Variants in TNRC18 observed in about 807,000 individuals in gnomAD.
The protein encoded by TNRC18 is trinucleotide repeat containing 18, also known as trinucleotide repeat-containing gene 18 protein.
TNRC18 carries 69 observed loss-of-function variants against 226.7 expected under a neutral mutation model. The ratio of observed to expected loss-of-function variants is 0.30; its 90% CI spans 0.25 to 0.37. The LOEUF is 0.37. Among genes scored for constraint, TNRC18 ranks in the 10% least tolerant of loss-of-function variants. The pLI is 1.00. For missense variants in TNRC18, 4,754 were observed against 4,256.6 expected (o/e 1.12, Z -3.25); for synonymous variants, 2,449 against 1,927.6 (o/e 1.27, Z -7.09).
chr7:5,326,211 A>G (rs951103510), intron 19 of TNRC18, among the ~76,000 whole-genome samples: 5 of 152,032 alleles, frequency 3.3e-5, no homozygotes, highest in African/African-American at 1.2e-4. Flanking sequence ...CCGTGTAAAT[A>G]TGAAGGCTAC....
rs558677505 is a variant in TNRC18 at position 5,378,698 on chromosome 7, G to A, written c.2153-674C>T. ...CTCCCAGAGTGCTGGGATTACAGGC[G>A]TGAGTCACCGAGCCCCGCCACTAAT... On this transcript the variant is annotated intron_variant, in intron 5 of 29. Coordinates refer to ENST00000430969, the MANE Select transcript of TNRC18 (RefSeq NM_001080495.3). Among the ~76,000 whole-genome samples, 15 of 151,852 alleles carry A rather than the reference G, an allele frequency of 9.9e-5. 1 individual carries two copies. The South Asian group carries it at 2.3e-3, about 23-fold the overall frequency.
At chr7:5,341,133 C>A (rs1314356209) in intron 18 of TNRC18, among the ~76,000 whole-genome samples, 1 of 151,710 alleles carries the variant, frequency 6.6e-6, no homozygotes, top group Non-Finnish European at 1.5e-5. Context: ...AACAACAGGC[C>A]GGGTGCAGTG....
chr7:5,349,967 A>T (rs931983636), intron 17 of TNRC18, among the ~76,000 whole-genome samples: 1 of 151,116 alleles, frequency 6.6e-6, no homozygotes, highest in Non-Finnish European at 1.5e-5. Flanking sequence ...GGTCCCGTCC[A>T]CTTGGCACTG....
chr7:5,313,300 G>C lies in TNRC18; in HGVS notation c.7591C>G (p.Pro2531Ala). 1 of 1,548,578 alleles carries C rather than the reference G, an allele frequency of 6.5e-7. No homozygotes were observed. The highest frequency in any genetic ancestry group is 8.7e-7 in the Non-Finnish European group (1 of 1,146,712). Residue 2531 changes from proline to alanine, a missense_variant, in exon 27 of 30, where the codon CCG (proline) becomes GCG (alanine). Coordinates refer to ENST00000430969, the MANE Select transcript of TNRC18 (RefSeq NM_001080495.3). ...CCAGAGTCCTCGAACGTGAGCCCCGGCCCGGGCTCCTGGGCGAGGTCCCCG... is the reference window on the plus strand; with the variant it reads ...CCAGAGTCCTCGAACGTGAGCCCCGCCCCGGGCTCCTGGGCGAGGTCCCCG... The part of the protein sequence containing the change: ...TDGDLAQEPG[P>A]GLTFEDSGNP...
At chr7:5,414,297 T>C (rs1055561641) in intron 2 of TNRC18, among the ~76,000 whole-genome samples, 7 of 150,396 alleles carry the variant, frequency 4.7e-5, no homozygotes, top group Admixed American at 4.6e-4. Context: ...CCCATAAATA[T>C]ATATATTATA....
At chr7:5,420,971 G>A (rs1037871900) in intron 2 of TNRC18, 89 bp downstream of exon 2, 3 of 1,501,226 alleles carry the variant, frequency 2.0e-6, no homozygotes, top group East Asian at 2.5e-5. Flanking sequence ...GAGAGTCGCC[G>A]AGCCCCGGCC....
At chr7:5,420,808 G>A (rs1334560978) in intron 2 of TNRC18, 3 of 682,980 alleles carry the variant, frequency 4.4e-6, no homozygotes, top group East Asian at 2.8e-5. Context: ...CCGGTGGCTC[G>A]GGCTACCACA....
At chr7:5,373,004 C>G (rs1794306968) in intron 10 of TNRC18, among the ~76,000 whole-genome samples, 2 of 151,780 alleles carry the variant, frequency 1.3e-5, no homozygotes, top group African/African-American at 4.8e-5. Context: ...ACTAAAAATT[C>G]AAAATTAGCC....
At chr7:5,323,420 T>C (rs1408721454) in intron 21 of TNRC18, among the ~76,000 whole-genome samples, 8 of 134,108 alleles carry the variant, frequency 6.0e-5, no homozygotes, top group African/African-American at 2.2e-4. Flanking sequence ...CACTCCCTCC[T>C]AATGTGTGCA....
chr7:5,378,093 T>C lies in TNRC18; in HGVS notation c.2153-69A>G, dbSNP rs907674258. On this transcript the variant is annotated intron_variant, in intron 5 of 29. Coordinates refer to ENST00000430969, the MANE Select transcript of TNRC18 (RefSeq NM_001080495.3). ...CCCATCCCAGACCCATTGGCCCCAC[T>C]GCCCTCACCCCTCCCTGGGCCCCCC... The C allele has an allele frequency of 5.4e-5, 71 of 1,326,460 alleles. 1 individual carries two copies. Among genetic ancestry groups the C allele is most frequent in the Non-Finnish European group, 3.7e-5 (35 of 946,722 alleles). The allele number at this position is 1,326,460 out of a possible 1,614,324, so 82.2% of individuals were successfully genotyped here.
chr7:5,400,737 A>C (rs1342378654), intron 2 of TNRC18, among the ~76,000 whole-genome samples: 3 of 152,156 alleles, frequency 2.0e-5, no homozygotes, highest in African/African-American at 7.2e-5. Context: ...TTTCACCTCC[A>C]TGAAAAAAAT....
At chr7:5,420,164 GC>G (rs1320456177) in intron 2 of TNRC18, 1 of 333,844 alleles carries the variant, frequency 3.0e-6, no homozygotes, top group Non-Finnish European at 5.9e-6. Context: ...TCCCGCCCCG[GC>G]GCAGCGCCCG....
intron 19 of TNRC18, among the ~76,000 whole-genome samples, chr7:5,325,871 G>C (rs1211275283): frequency 6.6e-6 from 1 of 151,344 alleles, no homozygotes; most frequent in Non-Finnish European, 1.5e-5. Flanking sequence ...TGAGTAGCTG[G>C]ACTACAGGTG....
intron 2 of TNRC18, among the ~76,000 whole-genome samples, chr7:5,414,704 G>A (rs1415938451): frequency 2.6e-5 from 4 of 152,178 alleles, no homozygotes; most frequent in Non-Finnish European, 5.9e-5. Context: ...GAGCCACTGC[G>A]CCCGGCCCAC....
chr7:5,377,442 G>A lies in TNRC18; in HGVS notation c.2390C>T (p.Ala797Val). The A allele has an allele frequency of 6.3e-7, 1 of 1,590,328 alleles. No individual in the cohort carries two copies. The highest frequency in any genetic ancestry group is 8.5e-7 in the Non-Finnish European group (1 of 1,169,686). ...CAACCAGGGGTGCGTGGCCAGATGG[G>A]CTGCGGGGTCGGCAGACCAGCGACC... ...GSGRWSADPAAHLATHPWLPR... is the reference protein window; with the variant it reads ...GSGRWSADPAVHLATHPWLPR... Residue 797 changes from alanine to valine, a missense_variant, in exon 7 of 30, where the codon GCC (alanine) becomes GTC (valine). Coordinates refer to ENST00000430969, the MANE Select transcript of TNRC18 (RefSeq NM_001080495.3). This position sits in a 1 kb window ranked among gnomAD's most constrained non-coding sequence, Gnocchi z 5.8.
intron 19 of TNRC18, chr7:5,325,625 C>T (rs1788836943): frequency 1.4e-5 from 3 of 214,050 alleles, no homozygotes; most frequent in Admixed American, 6.0e-5. Context: ...GGGGTTTTAC[C>T]GTGTTTGCGA....
At chr7:5,386,918 C>T (rs1779832834) in intron 5 of TNRC18, among the ~76,000 whole-genome samples, 1 of 151,918 alleles carries the variant, frequency 6.6e-6, no homozygotes, top group Non-Finnish European at 1.5e-5. Context: ...CTACTAAAAA[C>T]ACAAAATTAG....
chr7:5,324,233 C>A lies in TNRC18; in HGVS notation c.6423G>T (p.Val2141=), dbSNP rs899929000. Reference sequence around the variant, plus strand: ...ACTCACCCGGGGTCAGCGGCCGCTCCACAGCCCCGCCACGCGGCAGGTGCT... The same window carrying A: ...ACTCACCCGGGGTCAGCGGCCGCTCAACAGCCCCGCCACGCGGCAGGTGCT... ...EDEHLPRGGA[V]ERPLTPAPRS... Residue 2141 remains valine (V), a synonymous_variant, in exon 21 of 30, where the codon GTG becomes GTT. Transcript: ENST00000430969. The surrounding 1 kb of genome is among the most constrained non-coding windows in gnomAD (Gnocchi z 4.8). The A allele has an allele frequency of 6.8e-6, 11 of 1,609,150 alleles. No homozygotes were observed. Among genetic ancestry groups the A allele is most frequent in the African/African-American group, 1.3e-5 (1 of 74,850 alleles).
chr7:5,331,984 C>T (rs925430805), intron 19 of TNRC18, among the ~76,000 whole-genome samples: 1 of 152,122 alleles, frequency 6.6e-6, no homozygotes, highest in Non-Finnish European at 1.5e-5. Context: ...TAATTAAATA[C>T]ATCCCTAAAG....
Sources: allele counts gnomAD v4.1 joint callset (sites outside exome capture counted in the v4.1 genomes callset), GRCh38; gene constraint gnomAD v4.1.1; non-coding constraint Gnocchi (gnomAD v3.1); transcripts MANE v1.5; gene names NCBI Gene and HGNC (gene_info 2026-07-23, HGNC 2026-07-21).